The following NCALD variants were observed in gnomAD, a reference collection of about 807,000 sequenced individuals.
NCALD encodes neurocalcin-delta.
A neutral mutation model predicts 18.6 loss-of-function variants in NCALD; 10 were observed. That is an observed-to-expected ratio of 0.54 (90% CI 0.33 to 0.91). The LOEUF (loss-of-function observed/expected upper bound fraction) is 0.91. Among genes scored for constraint, NCALD ranks in the 40% least tolerant of loss-of-function variants. The pLI is 0.03. For missense variants in NCALD, 184 were observed against 247.6 expected (o/e 0.74, Z 1.72); for synonymous variants, 88 against 87.4 (o/e 1.01, Z -0.04).
chr8:101,884,282 C>T (rs568361937), intron 4 of NCALD, among the ~76,000 whole-genome samples: 2 of 152,136 alleles, frequency 1.3e-5, no homozygotes, highest in Non-Finnish European at 2.9e-5. Flanking sequence ...TTGTTGTTTT[C>T]TATCATAGTA....
intron 1 of NCALD, among the ~76,000 whole-genome samples, chr8:101,774,622 T>C (rs556563477): frequency 6.6e-6 from 1 of 152,336 alleles, no homozygotes; most frequent in African/African-American, 2.4e-5. Context: ...TTTCAGCGCC[T>C]GCTTGTCACA....
chr8:101,937,504 C>A (rs1216805583), intron 2 of NCALD, among the ~76,000 whole-genome samples: 1 of 152,112 alleles, frequency 6.6e-6, no homozygotes, highest in Non-Finnish European at 1.5e-5. Flanking sequence ...CATGTTCCTG[C>A]AAAAAACATG....
rs1814579874 is a variant in NCALD at position 101,688,906 on chromosome 8, G to A, written c.*403C>T. On this transcript the variant is annotated 3_prime_UTR_variant, in exon 4 of 4. Coordinates refer to ENST00000220931, the MANE Select transcript of NCALD (RefSeq NM_032041.3). ...CACCCCTACGGCACGTGTGACAACA[G>A]ATTCAGGTGGGGAGTTTTGTCTTTC... 12 of 627,104 alleles carry A rather than the reference G, an allele frequency of 1.9e-5. No individual in the cohort carries two copies. Among genetic ancestry groups the A allele is most frequent in the Non-Finnish European group, 3.1e-5 (11 of 352,830 alleles). 38.8% of individuals were successfully genotyped at this position (627,104 alleles called of 1,614,324 possible). A position where few individuals can be genotyped will look rare whatever the true frequency, so the allele number is the denominator to read the frequency against.
rs149974978 is a variant in NCALD, at chr8:101,779,134, C to T, written c.-20+11728G>A. Among the ~76,000 whole-genome samples, 1,360 of 152,090 alleles carry T rather than the reference C, an allele frequency of 8.9e-3. 11 individuals are homozygous for T. Among genetic ancestry groups the T allele is most frequent in the Middle Eastern group, 0.041 (12 of 294 alleles). ...ATTATGAGGGCAAAATGAAGATCTACAAAGATACAGCCCTTCTTCTATTAT... is the reference window on the plus strand; with the variant it reads ...ATTATGAGGGCAAAATGAAGATCTATAAAGATACAGCCCTTCTTCTATTAT... On this transcript the variant is annotated intron_variant, in intron 1 of 3. Coordinates refer to ENST00000220931, the MANE Select transcript of NCALD (RefSeq NM_032041.3).
intron 1 of NCALD, among the ~76,000 whole-genome samples, chr8:102,048,360 G>T (rs1444279662): frequency 6.6e-6 from 1 of 152,142 alleles, no homozygotes; most frequent in African/African-American, 2.4e-5. Context: ...GCATATTAGT[G>T]TCCCTTTGTC....
intron 2 of NCALD, among the ~76,000 whole-genome samples, chr8:101,973,974 G>A (rs867484712): frequency 1.2e-4 from 19 of 152,054 alleles, no homozygotes; most frequent in South Asian, 2.1e-4. Context: ...AAATATAAAC[G>A]CTACCAGCCT....
In NCALD at chr8:101,992,026, C is replaced by A. The variant is rs548087391; in HGVS notation, c.-157+28211G>T. ...GAGCAGCAGCTAAAGTATCTGGCTTCATTTATAGGCTATGTTGTATGAAAA... is the reference window on the plus strand; with the variant it reads ...GAGCAGCAGCTAAAGTATCTGGCTTAATTTATAGGCTATGTTGTATGAAAA... On this transcript the variant is annotated intron_variant, in intron 2 of 6. Transcript: ENST00000311028. Among the ~76,000 whole-genome samples the A allele has an allele frequency of 5.3e-5, 8 of 152,340 alleles. No individual in the cohort carries two copies. The South Asian group carries it at 1.5e-3, about 28-fold the overall frequency.
At chr8:101,873,241 C>T (rs993811307) in intron 4 of NCALD, among the ~76,000 whole-genome samples, 28 of 152,312 alleles carry the variant, frequency 1.8e-4, no homozygotes, top group African/African-American at 6.3e-4. Context: ...ATCTCCAATG[C>T]CTTGGAAAGG....
Position 101,943,717 on chromosome 8 carries a change from G to T in NCALD, c.-156-27859C>A, listed in dbSNP as rs1188838565. ...GCACTTTGGGAGGCCGAGGCGGGCG[G>T]ATCGCAAGGTCAGGAGATCGAGACC... On this transcript the variant is annotated intron_variant, in intron 2 of 6. Transcript: ENST00000311028. 2.6e-5 allele frequency among the ~76,000 whole-genome samples: 4 copies of T among 151,960 alleles called. No individual in the cohort carries two copies. The East Asian group carries it at 7.8e-4, about 30-fold the overall frequency.
chr8:101,985,958 G>A (rs919209164), intron 2 of NCALD, among the ~76,000 whole-genome samples: 7 of 152,010 alleles, frequency 4.6e-5, no homozygotes, highest in African/African-American at 1.5e-4. Context: ...TATATCACTC[G>A]CTTGTTCAAA....
intron 1 of NCALD, among the ~76,000 whole-genome samples, chr8:102,059,463 C>A (rs1159221798): frequency 1.3e-5 from 2 of 152,190 alleles, no homozygotes; most frequent in Non-Finnish European, 2.9e-5. Context: ...TTTGAACGAA[C>A]AAATGGATGA....
At chr8:101,810,506 TAGTC>T (rs1813266882) in intron 4 of NCALD, among the ~76,000 whole-genome samples, 1 of 152,182 alleles carries the variant, frequency 6.6e-6, no homozygotes, top group Admixed American at 6.5e-5. Flanking sequence ...CTCAATTCCT[TAGTC>T]AGTAAATTAA....
upstream of NCALD, chr8:102,124,533 G>C (rs886824276): frequency 7.3e-6 from 1 of 137,302 alleles, no homozygotes; most frequent in African/African-American, 2.7e-5. Context: ...TGCAGCCTCC[G>C]GGCGTGTCCC....
intron 1 of NCALD, among the ~76,000 whole-genome samples, chr8:102,089,345 G>T (rs1824848302): frequency 6.6e-6 from 1 of 151,162 alleles, no homozygotes; most frequent in Non-Finnish European, 1.5e-5. Context: ...AGTGAGCTGA[G>T]ATCACGCCAC....
chr8:101,734,106 G>A (rs1164276308), intron 1 of NCALD, among the ~76,000 whole-genome samples: 1 of 152,188 alleles, frequency 6.6e-6, no homozygotes, highest in Non-Finnish European at 1.5e-5. Flanking sequence ...CCCAGGAGCA[G>A]GGAGGAGTTG....
Position 101,915,160 on chromosome 8 carries a change from G to A in NCALD, c.-107+649C>T, listed in dbSNP as rs550747493. Among the ~76,000 whole-genome samples, 3 of 152,266 alleles carry A rather than the reference G, an allele frequency of 2.0e-5. No individual in the cohort carries two copies. In the East Asian group the frequency reaches 5.8e-4, roughly 29 times the overall value. The stretch of plus-strand genomic sequence containing the variant: ...AAAAAAAACAAGAAACAGATATTTG[G>A]ATGTGTTCCATAGTCACCCAGATAG... On this transcript the variant is annotated intron_variant, in intron 3 of 6. Coordinates refer to the NCALD transcript ENST00000311028.
intron 1 of NCALD, among the ~76,000 whole-genome samples, chr8:102,061,673 T>C (rs1823854088): frequency 6.6e-6 from 1 of 152,224 alleles, no homozygotes; most frequent in African/African-American, 2.4e-5. Flanking sequence ...TTGAATAATA[T>C]TTTTAAATGT....
At chr8:101,743,569 A>C (rs1586374639) in intron 1 of NCALD, among the ~76,000 whole-genome samples, 1 of 152,200 alleles carries the variant, frequency 6.6e-6, no homozygotes, top group East Asian at 1.9e-4. Context: ...ACAGGTGAGT[A>C]CAAAGGGAAA....
In NCALD at chr8:101,961,120, T is replaced by G. The variant is rs543590030; in HGVS notation, c.-156-45262A>C. ...TATCCCTAGTACCTCGGACAGTGGC[T>G]GGCACATGGTAGGTGTGTAATAAAT... On this transcript the variant is annotated intron_variant, in intron 2 of 6. Transcript: ENST00000311028. Among the ~76,000 whole-genome samples the G allele has an allele frequency of 4.6e-5, 7 of 152,296 alleles. No homozygotes were observed. The South Asian group carries it at 1.5e-3, about 32-fold the overall frequency.
Sources: gnomAD v4.1 joint callset for allele counts (sites outside exome capture counted in the v4.1 genomes callset) on GRCh38, gnomAD v4.1.1 for gene constraint, MANE v1.5 for transcripts, NCBI Gene and HGNC (gene_info 2026-07-23, HGNC 2026-07-21) for gene names.